BIRC6: variants seen among roughly 807,000 people sequenced by gnomAD.
The protein encoded by BIRC6 is dual E2 ubiquitin-conjugating enzyme/E3 ubiquitin-protein ligase BIRC6.
In BIRC6, 98 loss-of-function variants were observed where a neutral mutation model predicts 503.3. The ratio of observed to expected loss-of-function variants is 0.19; its 90% CI spans 0.17 to 0.23. BIRC6 has a LOEUF of 0.23. BIRC6 is among the 10% of genes least tolerant of loss of function. BIRC6 has a pLI of 1.00. For synonymous variants in BIRC6, 2,240 were observed against 2,078.7 expected, an observed-to-expected ratio of 1.08 and a Z score of -2.11; for missense variants, 5,360 against 5,806.0, an observed-to-expected ratio of 0.92 and a Z score of 2.50.
intron 55 of BIRC6, 151 bp from the exon 56 acceptor site, chr2:32,518,103 C>A: frequency 1.6e-6 from 1 of 611,546 alleles, no homozygotes; most frequent in Non-Finnish European, 2.6e-6. Context: ...AAAAACTTAA[C>A]TACTAGACCC....
Position 32,463,798 on chromosome 2 carries a change from C to T in BIRC6, c.4941+417C>T, listed in dbSNP as rs145886403. On this transcript the variant is annotated intron_variant, in intron 24 of 73. Transcript: ENST00000421745. ...TATTGTGGCCTAAATTAGGGGTCTCCAGTCCCTGGGCCATGGACCAGTACC... is the reference window on the plus strand; with the variant it reads ...TATTGTGGCCTAAATTAGGGGTCTCTAGTCCCTGGGCCATGGACCAGTACC... Among the ~76,000 whole-genome samples the T allele has an allele frequency of 1.9e-3, 293 of 152,312 alleles. 1 individual carries two copies. Among genetic ancestry groups the T allele is most frequent in the African/African-American group, 6.3e-3 (264 of 41,576 alleles).
intron 37 of BIRC6, 141 bp from the exon 38 acceptor site, chr2:32,481,179 G>A (rs964570481): frequency 1.2e-5 from 8 of 662,312 alleles, no homozygotes; most frequent in Middle Eastern, 4.5e-4. Context: ...ATTATGGAGC[G>A]AAATGTTTGC....
intron 66 of BIRC6, among the ~76,000 whole-genome samples, chr2:32,578,989 T>TATATATATATATATACAC (rs1480624603): frequency 4.5e-5 from 4 of 89,662 alleles, no homozygotes; most frequent in Admixed American, 3.2e-4. Context: ...AATATATATA[T>TATATATATATATATACAC]ACACTTAATA....
At chr2:32,419,227 C>A (rs2042691815) in intron 10 of BIRC6, among the ~76,000 whole-genome samples, 1 of 152,162 alleles carries the variant, frequency 6.6e-6, no homozygotes, top group African/African-American at 2.4e-5. Flanking sequence ...GCATCTCAGA[C>A]TGAATCAAAT....
At chr2:32,607,706 G>A (rs2062563922) in intron 72 of BIRC6, 63 bp downstream of exon 72, 4 of 1,397,638 alleles carry the variant, frequency 2.9e-6, no homozygotes, top group South Asian at 2.9e-5. Flanking sequence ...GGCTGGGCAT[G>A]GTGGCTCATG....
At chr2:32,435,950 T>G in intron 14 of BIRC6, 103 bp from the exon 15 acceptor site, 2 of 624,432 alleles carry the variant, frequency 3.2e-6, no homozygotes, top group Non-Finnish European at 4.8e-6. Context: ...AAGTATGATA[T>G]TTTGTGTGGT....
intron 65 of BIRC6, among the ~76,000 whole-genome samples, chr2:32,558,385 C>T (rs1263393807): frequency 6.6e-6 from 1 of 152,104 alleles, no homozygotes; most frequent in Non-Finnish European, 1.5e-5. Context: ...CTTTTTAAAG[C>T]AACTCTTTTG....
intron 1 of BIRC6, among the ~76,000 whole-genome samples, chr2:32,374,805 G>T (rs1384393710): frequency 6.6e-6 from 1 of 152,000 alleles, no homozygotes; most frequent in Non-Finnish European, 1.5e-5. Context: ...ATAGATACGG[G>T]GTCTGTCTCA....
chr2:32,599,196 G>A (rs972358702), intron 69 of BIRC6, among the ~76,000 whole-genome samples: 2 of 151,764 alleles, frequency 1.3e-5, no homozygotes, highest in Admixed American at 6.6e-5. Flanking sequence ...AGGCATGGTG[G>A]TGCATGCCTG....
chr2:32,515,912 T>A, intron 55 of BIRC6, 142 bp downstream of exon 55: 1 of 743,698 alleles, frequency 1.3e-6, no homozygotes, highest in East Asian at 2.7e-5. Context: ...TGATATCTCC[T>A]TTCTCCCCCT....
At chr2:32,482,604 A>G in intron 39 of BIRC6, 22 bp downstream of exon 39, 1 of 1,612,100 alleles carries the variant, frequency 6.2e-7, no homozygotes, top group East Asian at 2.2e-5. Context: ...TTTATATTTT[A>G]AGACATATGC....
chr2:32,611,679 T>TA, intron 73 of BIRC6, 97 bp downstream of exon 73: 1 of 1,145,060 alleles, frequency 8.7e-7, no homozygotes, highest in Non-Finnish European at 1.2e-6. Flanking sequence ...GGGAGGGAAT[T>TA]AAAGAAACAT....
chr2:32,556,006 T>A (rs1051357589), intron 65 of BIRC6, among the ~76,000 whole-genome samples: 2 of 152,180 alleles, frequency 1.3e-5, no homozygotes, highest in Non-Finnish European at 2.9e-5. Flanking sequence ...CTCTAGTTTT[T>A]GTGACAGTTA....
At chr2:32,401,070 TAAA>T in intron 6 of BIRC6, 90 bp from the exon 7 acceptor site, 2 of 1,098,828 alleles carry the variant, frequency 1.8e-6, no homozygotes, top group Non-Finnish European at 2.7e-6. Flanking sequence ...TAAGTTCAGT[TAAA>T]AAAAGATGAT....
intron 35 of BIRC6, among the ~76,000 whole-genome samples, chr2:32,477,828 C>T (rs1381343990): frequency 1.3e-5 from 2 of 151,058 alleles, no homozygotes; most frequent in African/African-American, 2.4e-5. Context: ...AATGATGCCT[C>T]TTTTGGTTTT....
At chr2:32,528,958 GAAAA>G (rs201931330) in intron 59 of BIRC6, 13 of 150,432 alleles carry the variant, frequency 8.6e-5, no homozygotes, top group African/African-American at 2.0e-4. Flanking sequence ...GCAAAAAAAA[GAAAA>G]AAAAAGAAAT....
chr2:32,392,224 T>C (rs576861271), intron 5 of BIRC6, 74 bp downstream of exon 5: 4 of 1,100,630 alleles, frequency 3.6e-6, no homozygotes. Context: ...CACATTTTTT[T>C]AACTTTTTCA....
chr2:32,552,857 ATTATATAT>A (rs1160647735), intron 65 of BIRC6, among the ~76,000 whole-genome samples: 3 of 150,306 alleles, frequency 2.0e-5, no homozygotes, highest in Non-Finnish European at 3.0e-5. Flanking sequence ...CTGATAACTA[ATTATATAT>A]TTATATATTT....
chr2:32,446,748 T>G (rs1025318181), intron 21 of BIRC6, among the ~76,000 whole-genome samples: 6 of 130,992 alleles, frequency 4.6e-5, no homozygotes, highest in Non-Finnish European at 8.1e-5. Flanking sequence ...GTTTTTTTTT[T>G]TTTTTTTTTT....
Sources: gnomAD v4.1 joint callset for allele counts (sites outside exome capture counted in the v4.1 genomes callset) on GRCh38, gnomAD v4.1.1 for gene constraint, MANE v1.5 for transcripts, NCBI Gene and HGNC (gene_info 2026-07-23, HGNC 2026-07-21) for gene names.